CLSTN2: variants seen among roughly 807,000 people sequenced by gnomAD.
The protein encoded by CLSTN2 is calsyntenin-2.
A neutral mutation model predicts 101.2 loss-of-function variants in CLSTN2; 48 were observed. The observed-to-expected ratio is 0.47, with a 90% CI of 0.38 to 0.60. CLSTN2 has a LOEUF of 0.60. Among genes scored for constraint, CLSTN2 ranks in the 20% least tolerant of loss-of-function variants. The probability of loss-of-function intolerance (pLI) is 0.00; values close to 1 mark genes in which losing one functional copy is unlikely to be tolerated. For missense variants in CLSTN2, 1,160 were observed against 1,238.2 expected (o/e 0.94, Z 0.95); for synonymous variants, 481 against 463.6 (o/e 1.04, Z -0.48).
chr3:140,288,296 G>A (rs1218883933), intron 2 of CLSTN2, among the ~76,000 whole-genome samples: 1 of 152,134 alleles, frequency 6.6e-6, no homozygotes, highest in Non-Finnish European at 1.5e-5. Context: ...AGAACAGACA[G>A]AAGGAAGAAA....
intron 2 of CLSTN2, among the ~76,000 whole-genome samples, chr3:140,265,945 C>T (rs543347482): frequency 1.3e-5 from 2 of 152,290 alleles, no homozygotes; most frequent in African/African-American, 4.8e-5. Context: ...GGATCCCTCA[C>T]TGCATAGTTG....
At chr3:140,103,405 A>ATT (rs1429916847) in intron 1 of CLSTN2, among the ~76,000 whole-genome samples, 2 of 152,100 alleles carry the variant, frequency 1.3e-5, no homozygotes, top group Non-Finnish European at 2.9e-5. Context: ...GACAGGAAGC[A>ATT]TTTTTTCTCT....
intron 1 of CLSTN2, among the ~76,000 whole-genome samples, chr3:139,957,440 T>A (rs1249950503): frequency 1.3e-5 from 2 of 152,132 alleles, no homozygotes; most frequent in Non-Finnish European, 2.9e-5. Context: ...TCTATAATTT[T>A]GCCTCAACTC....
At chr3:140,016,793 GAAAAAAAAA>G (rs56040791) in intron 1 of CLSTN2, among the ~76,000 whole-genome samples, 32 of 89,284 alleles carry the variant, frequency 3.6e-4, no homozygotes, top group Non-Finnish European at 4.8e-4. Context: ...GTGAGACTCT[GAAAAAAAAA>G]AAAAAAAAAA....
At position 140,080,776 on chromosome 3, in the gene CLSTN2, G is replaced by T. The variant is rs371564267; in HGVS notation, c.110-95175G>T. Among the ~76,000 whole-genome samples, 17 of 152,160 alleles carry T rather than the reference G, an allele frequency of 1.1e-4. No individual in the cohort carries two copies. In the East Asian group the frequency reaches 2.9e-3, roughly 26 times the overall value. On this transcript the variant is annotated intron_variant, in intron 1 of 16. Coordinates refer to ENST00000458420, the MANE Select transcript of CLSTN2 (RefSeq NM_022131.3). ...CTCCAATCAGTCCCCCTACTCCTGG[G>T]GGCTGGAGCTCTGTTAGCCCACAAT... is the stretch of plus-strand genomic sequence containing the variant.
chr3:140,200,590 C>CTA (rs1384525869), intron 2 of CLSTN2, among the ~76,000 whole-genome samples: 1 of 152,148 alleles, frequency 6.6e-6, no homozygotes, highest in Non-Finnish European at 1.5e-5. Context: ...GTTAATAAGG[C>CTA]TATATTGACA....
intron 8 of CLSTN2, among the ~76,000 whole-genome samples, chr3:140,485,671 C>T (rs1201057217): frequency 6.6e-6 from 1 of 152,198 alleles, no homozygotes; most frequent in Non-Finnish European, 1.5e-5. Context: ...ACCCCTCCCC[C>T]AGCCTCACTG....
At chr3:140,329,338 A>G (rs1330640765) in intron 2 of CLSTN2, among the ~76,000 whole-genome samples, 1 of 152,228 alleles carries the variant, frequency 6.6e-6, no homozygotes, top group Non-Finnish European at 1.5e-5. Flanking sequence ...GTGAGGCAAG[A>G]TCACGCCACT....
intron 2 of CLSTN2, among the ~76,000 whole-genome samples, chr3:140,367,511 CAAAAAAAAAAAAAA>C (rs34398474): frequency 1.0e-5 from 1 of 96,838 alleles, no homozygotes; most frequent in Admixed American, 1.1e-4. Context: ...CACTTTGTCT[CAAAAAAAAAAAAAA>C]AAAAAAAAAG....
chr3:140,499,936 G>A (rs920522543), intron 8 of CLSTN2, among the ~76,000 whole-genome samples: 3 of 152,100 alleles, frequency 2.0e-5, no homozygotes, highest in Non-Finnish European at 4.4e-5. Flanking sequence ...GCATGGTGGC[G>A]GGAGCCCGTA....
chr3:140,557,480 A>T (rs1935823039), intron 11 of CLSTN2, among the ~76,000 whole-genome samples: 1 of 152,218 alleles, frequency 6.6e-6, no homozygotes, highest in African/African-American at 2.4e-5. Context: ...GGTCGTTGCC[A>T]CATTAGAGTG....
At chr3:139,947,288 T>A (rs1042006872) in intron 1 of CLSTN2, among the ~76,000 whole-genome samples, 6 of 152,222 alleles carry the variant, frequency 3.9e-5, no homozygotes, top group Non-Finnish European at 7.3e-5. Flanking sequence ...CCAGCCAACA[T>A]GCAAGGACAG....
At chr3:140,083,626 G>A (rs1326364206) in intron 1 of CLSTN2, among the ~76,000 whole-genome samples, 1 of 152,204 alleles carries the variant, frequency 6.6e-6, no homozygotes, top group African/African-American at 2.4e-5. Flanking sequence ...ATTCTTACGT[G>A]TCTGCACATT....
At chr3:140,560,997 A>G (rs997017595) in intron 12 of CLSTN2, among the ~76,000 whole-genome samples, 3 of 151,728 alleles carry the variant, frequency 2.0e-5, no homozygotes, top group African/African-American at 7.3e-5. Context: ...ATAATAATAT[A>G]TAATATATAC....
chr3:140,417,435 G>C (rs776972223), intron 4 of CLSTN2, among the ~76,000 whole-genome samples: 2 of 152,062 alleles, frequency 1.3e-5, no homozygotes, highest in Non-Finnish European at 2.9e-5. Context: ...ATTTCAAACT[G>C]ACTAGCATAT....
At chr3:140,182,431 G>A (rs190512809) in intron 2 of CLSTN2, among the ~76,000 whole-genome samples, 116 of 152,246 alleles carry the variant, frequency 7.6e-4, no homozygotes, top group African/African-American at 2.5e-3. Flanking sequence ...CCTATCCAGC[G>A]CCTTCAGGAT....
Position 140,491,649 on chromosome 3 carries a change from G to A in CLSTN2, c.1344+24918G>A, listed in dbSNP as rs145976523. 4.7e-3 allele frequency among the ~76,000 whole-genome samples: 719 copies of A among 152,184 alleles called. 4 individuals carry two copies. The highest frequency in any genetic ancestry group is 7.1e-3 in the Non-Finnish European group (486 of 67,978). The stretch of plus-strand genomic sequence containing the variant: ...TCAGCCTGGGCAACGTGGCAAAACC[G>A]CTCTCTAATAAGAATCCAAAAAATT... On this transcript the variant is annotated intron_variant, in intron 8 of 16. Transcript: ENST00000458420.
chr3:140,522,385 G>A (rs181537816), intron 8 of CLSTN2, among the ~76,000 whole-genome samples: 10 of 152,324 alleles, frequency 6.6e-5, no homozygotes, highest in East Asian at 5.8e-4. Context: ...GCCTGAGGCC[G>A]TATGGCCTCG....
chr3:140,360,544 T>A (rs2087719244), intron 2 of CLSTN2, among the ~76,000 whole-genome samples: 1 of 152,146 alleles, frequency 6.6e-6, no homozygotes, highest in Admixed American at 6.5e-5. Context: ...TGTCACTAAG[T>A]AATGAGAACG....
Sources: allele counts gnomAD v4.1 joint callset (sites outside exome capture counted in the v4.1 genomes callset), GRCh38; gene constraint gnomAD v4.1.1; transcripts MANE v1.5; gene names NCBI Gene and HGNC (gene_info 2026-07-23, HGNC 2026-07-21).